Variants in PACRG observed in about 807,000 individuals in gnomAD.
The protein encoded by PACRG is parkin coregulated gene protein.
Under a neutral mutation model 29.7 loss-of-function variants are expected in PACRG, and 29 were observed. The observed-to-expected ratio is 0.98, with a 90% CI of 0.73 to 1.33. PACRG has a LOEUF of 1.33. Among genes scored for constraint, PACRG ranks in the 40% most tolerant of loss-of-function variants. The probability of loss-of-function intolerance (pLI) is 0.00; values close to 1 mark genes in which losing one functional copy is unlikely to be tolerated. For missense variants in PACRG, 279 were observed against 316.2 expected (o/e 0.88, Z 0.89); for synonymous variants, 116 against 118.7 (o/e 0.98, Z 0.15).
At chr6:163,175,289 A>T (rs1453853436) in intron 4 of PACRG, among the ~76,000 whole-genome samples, 1 of 152,166 alleles carries the variant, frequency 6.6e-6, no homozygotes, top group Non-Finnish European at 1.5e-5. Context: ...GCTCCCAAAT[A>T]TCTTAGGGGT....
At chr6:163,078,241 C>T (rs1288542198) in intron 3 of PACRG, among the ~76,000 whole-genome samples, 1 of 152,152 alleles carries the variant, frequency 6.6e-6, no homozygotes, top group East Asian at 1.9e-4. Flanking sequence ...TGGCTCACAC[C>T]TGTAATCCCA....
intron 4 of PACRG, among the ~76,000 whole-genome samples, chr6:163,196,594 C>A (rs182584648): frequency 1.3e-5 from 2 of 152,150 alleles, no homozygotes; most frequent in South Asian, 4.1e-4. Flanking sequence ...CTGTTGTCGT[C>A]GTTGGAACTG....
intron 2 of PACRG, among the ~76,000 whole-genome samples, chr6:162,896,877 A>T (rs1482611746): frequency 6.6e-6 from 1 of 152,250 alleles, no homozygotes; most frequent in Non-Finnish European, 1.5e-5. Context: ...TATGAGAAGG[A>T]AATACATTTT....
chr6:163,139,394 C>CATTTGTACCTAATAAGGTAT (rs1384688476), intron 4 of PACRG, among the ~76,000 whole-genome samples: 2 of 151,868 alleles, frequency 1.3e-5, no homozygotes, highest in Non-Finnish European at 2.9e-5. Context: ...TAATAAGGTA[C>CATTTGTACCTAATAAGGTAT]ATTTATAGGT....
At chr6:163,059,137 A>G (rs1405616032) in intron 2 of PACRG, among the ~76,000 whole-genome samples, 2 of 151,984 alleles carry the variant, frequency 1.3e-5, no homozygotes, top group Non-Finnish European at 2.9e-5. Context: ...TTTTTGTAGG[A>G]AAGAACTGCT....
intron 4 of PACRG, among the ~76,000 whole-genome samples, chr6:163,131,364 A>T (rs1161872969): frequency 1.3e-5 from 2 of 151,884 alleles, no homozygotes; most frequent in African/African-American, 4.8e-5. Context: ...AGTCACACAC[A>T]GAGGGAAGAT....
At chr6:163,292,969 T>A (rs533520060) in intron 4 of PACRG, among the ~76,000 whole-genome samples, 23 of 152,312 alleles carry the variant, frequency 1.5e-4, no homozygotes, top group African/African-American at 5.3e-4. Flanking sequence ...TTTTCAAAGA[T>A]AGAAATAGAT....
chr6:163,180,727 G>A (rs1467951124), intron 4 of PACRG, among the ~76,000 whole-genome samples: 2 of 152,048 alleles, frequency 1.3e-5, no homozygotes, highest in Admixed American at 6.5e-5. Flanking sequence ...CCACTTATTT[G>A]GTTCTTCAAA....
At chr6:163,059,003 C>T (rs528523078) in intron 2 of PACRG, among the ~76,000 whole-genome samples, 15 of 151,568 alleles carry the variant, frequency 9.9e-5, no homozygotes, top group Admixed American at 5.3e-4. Context: ...CGCTTGAACC[C>T]GGGAGGCAGA....
chr6:163,119,942 T>C (rs1816191852), intron 4 of PACRG, among the ~76,000 whole-genome samples: 1 of 152,206 alleles, frequency 6.6e-6, no homozygotes, highest in Admixed American at 6.5e-5. Context: ...TGCTTCCACA[T>C]TTGAAAGACC....
chr6:162,929,868 T>C (rs1419698332), intron 2 of PACRG, among the ~76,000 whole-genome samples: 1 of 152,074 alleles, frequency 6.6e-6, no homozygotes, highest in Non-Finnish European at 1.5e-5. Flanking sequence ...TTGGCAACTT[T>C]TTCAAAAATG....
chr6:163,305,255 A>G (rs1785155504), intron 4 of PACRG, among the ~76,000 whole-genome samples: 1 of 152,240 alleles, frequency 6.6e-6, no homozygotes, highest in Non-Finnish European at 1.5e-5. Context: ...AGAGAATGGG[A>G]ACCTTCAACT....
At chr6:162,842,573 A>G (rs1789895237) in intron 2 of PACRG, among the ~76,000 whole-genome samples, 1 of 146,176 alleles carries the variant, frequency 6.8e-6, no homozygotes, top group South Asian at 2.2e-4. Context: ...GTGTCTTTTA[A>G]TTGGAGCATT....
intron 2 of PACRG, among the ~76,000 whole-genome samples, chr6:163,006,021 T>TATATAACA (rs1805056691): frequency 7.4e-6 from 1 of 135,638 alleles, no homozygotes; most frequent in Admixed American, 7.2e-5. Context: ...GTTATATACA[T>TATATAACA]TATATATGTT....
intron 2 of PACRG, among the ~76,000 whole-genome samples, chr6:162,965,452 G>A (rs1800948317): frequency 6.6e-6 from 1 of 152,136 alleles, no homozygotes; most frequent in Non-Finnish European, 1.5e-5. Context: ...ACTGCTTTCT[G>A]GTTCAAGATG....
chr6:163,031,690 A>C lies in PACRG; in HGVS notation c.292-30460A>C, dbSNP rs530187825. ...TGGCTTTGATGGAACTCTATTCCAT[A>C]GAAGAAATCTTAGATAAGACTTTTT... is the stretch of plus-strand genomic sequence containing the variant. On this transcript the variant is annotated intron_variant, in intron 2 of 4. Transcript: ENST00000366888. Among the ~76,000 whole-genome samples the C allele has an allele frequency of 7.9e-5, 12 of 152,352 alleles. No homozygotes were observed. The South Asian group carries it at 2.5e-3, about 32-fold the overall frequency.
chr6:163,060,370 C>T (rs1445727583), intron 2 of PACRG, among the ~76,000 whole-genome samples: 4 of 151,898 alleles, frequency 2.6e-5, no homozygotes, highest in Admixed American at 2.0e-4. Context: ...AACATTGGGC[C>T]TTTAGGACCT....
intron 2 of PACRG, among the ~76,000 whole-genome samples, chr6:162,822,370 T>A (rs911451079): frequency 6.6e-6 from 1 of 152,206 alleles, no homozygotes; most frequent in African/African-American, 2.4e-5. Context: ...TTTGTGAGCA[T>A]GTCATTACCA....
chr6:163,268,891 A>G (rs572690775), intron 4 of PACRG, among the ~76,000 whole-genome samples: 1 of 152,306 alleles, frequency 6.6e-6, no homozygotes, highest in East Asian at 1.9e-4. Context: ...AAACACCAAA[A>G]TGATGTGCTT....
Sources: gnomAD v4.1 joint callset for allele counts (sites outside exome capture counted in the v4.1 genomes callset) on GRCh38, gnomAD v4.1.1 for gene constraint, MANE v1.5 for transcripts, NCBI Gene and HGNC (gene_info 2026-07-23, HGNC 2026-07-21) for gene names.